Variants in PRKCI observed in about 807,000 individuals in gnomAD.
PRKCI encodes the protein protein kinase C iota type.
A neutral mutation model predicts 84.0 loss-of-function variants in PRKCI; 43 were observed. That is an observed-to-expected ratio of 0.51 (90% confidence interval 0.40 to 0.66). The LOEUF is 0.66. Among genes scored for constraint, PRKCI ranks in the 30% least tolerant of loss-of-function variants. PRKCI has a pLI of 0.00. For missense variants in PRKCI, 459 were observed against 745.6 expected, an observed-to-expected ratio of 0.62 and a Z score of 4.48; for synonymous variants, 216 against 234.4, an observed-to-expected ratio of 0.92 and a Z score of 0.72.
intron 2 of PRKCI, among the ~76,000 whole-genome samples, chr3:170,235,668 C>T (rs1560166934): frequency 1.3e-5 from 2 of 151,128 alleles, no homozygotes; most frequent in African/African-American, 2.4e-5. Flanking sequence ...CGGGTTCAAG[C>T]GATTCTCCTG....
At chr3:170,280,535 G>A (rs1190459073) in intron 9 of PRKCI, 132 bp downstream of exon 9, 7 of 747,442 alleles carry the variant, frequency 9.4e-6, no homozygotes, top group African/African-American at 1.8e-5. Flanking sequence ...TGCAACCTCT[G>A]CCTCCCAGGT....
chr3:170,282,367 A>G (rs192799525), intron 11 of PRKCI, among the ~76,000 whole-genome samples: 2 of 152,256 alleles, frequency 1.3e-5, no homozygotes, highest in East Asian at 3.9e-4. Flanking sequence ...GTTCTTCACG[A>G]TAAGAGTGCT....
At position 170,222,594 on chromosome 3, in the gene PRKCI, C is replaced by T; in HGVS notation, c.-76C>T. 1 of 1,274,042 alleles carries T rather than the reference C, an allele frequency of 7.8e-7. No individual in the cohort carries two copies. Among genetic ancestry groups the T allele is most frequent in the Non-Finnish European group, 1.1e-6 (1 of 939,654 alleles). 78.9% of individuals were successfully genotyped at this position (1,274,042 alleles called of 1,614,324 possible). ...GCCGCGGTTCTCCGGCAAGCGCAGGCGGCGGAGTCCCCCACGGCGCCCGAA... is the reference window on the plus strand; with the variant it reads ...GCCGCGGTTCTCCGGCAAGCGCAGGTGGCGGAGTCCCCCACGGCGCCCGAA... On this transcript the variant is annotated 5_prime_UTR_variant, in exon 1 of 18. Transcript: ENST00000295797.
chr3:170,299,997 C>T (rs892452124), intron 17 of PRKCI, among the ~76,000 whole-genome samples: 4 of 152,126 alleles, frequency 2.6e-5, no homozygotes, highest in African/African-American at 9.7e-5. Flanking sequence ...GCTTATACTT[C>T]ATCTTTTAAA....
intron 12 of PRKCI, among the ~76,000 whole-genome samples, chr3:170,289,912 AAAG>A (rs781058555): frequency 5.3e-5 from 8 of 151,838 alleles, no homozygotes; most frequent in Non-Finnish European, 1.0e-4. Flanking sequence ...CTCCATCTTA[AAAG>A]AAGAAAAAAA....
At chr3:170,272,699 G>C (rs1734032040) in intron 6 of PRKCI, among the ~76,000 whole-genome samples, 1 of 152,070 alleles carries the variant, frequency 6.6e-6, no homozygotes, top group Non-Finnish European at 1.5e-5. Flanking sequence ...TTTCCTGCTG[G>C]TATTCATTAA....
At chr3:170,280,036 A>T in intron 8 of PRKCI, 191 bp from the exon 9 acceptor site, 1 of 446,520 alleles carries the variant, frequency 2.2e-6, no homozygotes, top group Non-Finnish European at 3.8e-6. Flanking sequence ...TCTTATCTCA[A>T]AATTCATCCA....
intron 4 of PRKCI, among the ~76,000 whole-genome samples, chr3:170,266,132 T>C (rs1043579040): frequency 1.3e-5 from 2 of 152,162 alleles, no homozygotes; most frequent in Non-Finnish European, 2.9e-5. Flanking sequence ...ATAGACAATA[T>C]ATAAAATAAT....
intron 6 of PRKCI, among the ~76,000 whole-genome samples, chr3:170,272,488 A>G (rs1219064552): frequency 6.6e-6 from 1 of 152,190 alleles, no homozygotes; most frequent in African/African-American, 2.4e-5. Flanking sequence ...AAGGAAAAAC[A>G]GAAGGCTGAC....
intron 2 of PRKCI, among the ~76,000 whole-genome samples, chr3:170,241,258 C>T (rs994354285): frequency 2.6e-5 from 4 of 152,128 alleles, no homozygotes; most frequent in Admixed American, 2.0e-4. Context: ...ATTGTAGTCA[C>T]CATGCTATGC....
chr3:170,281,151 C>T lies in PRKCI; in HGVS notation c.883-15C>T, dbSNP rs1355784763. 8.1e-6 allele frequency: 13 copies of T among 1,600,138 alleles called. No homozygotes were observed. In the Middle Eastern group the frequency reaches 6.0e-4, roughly 74 times the overall value. ...ATATCAGTTTGACATAGATTTCTTACATGTTTCAAAATAGGATATTGATTG... is the reference window on the plus strand; with the variant it reads ...ATATCAGTTTGACATAGATTTCTTATATGTTTCAAAATAGGATATTGATTG... On this transcript the variant is annotated splice_polypyrimidine_tract_variant and intron_variant, in intron 9 of 17. Coordinates refer to ENST00000295797, the MANE Select transcript of PRKCI (RefSeq NM_002740.6).
At chr3:170,254,151 A>T (rs1733525133) in intron 2 of PRKCI, among the ~76,000 whole-genome samples, 1 of 140,308 alleles carries the variant, frequency 7.1e-6, no homozygotes, top group African/African-American at 2.9e-5. Flanking sequence ...ATTTAATCAG[A>T]TTATTAGGTT....
At chr3:170,245,270 A>G (rs1312336768) in intron 2 of PRKCI, among the ~76,000 whole-genome samples, 2 of 152,120 alleles carry the variant, frequency 1.3e-5, no homozygotes, top group Non-Finnish European at 2.9e-5. Context: ...AGGATCCACT[A>G]CTTGCAATTA....
chr3:170,301,811 A>G (rs1734826161), intron 17 of PRKCI, among the ~76,000 whole-genome samples: 1 of 152,036 alleles, frequency 6.6e-6, no homozygotes, highest in African/African-American at 2.4e-5. Context: ...GTACCACTCC[A>G]ATTCTTGAAC....
intron 1 of PRKCI, among the ~76,000 whole-genome samples, chr3:170,234,941 AT>A (rs909707600): frequency 4.1e-5 from 6 of 147,964 alleles, no homozygotes; most frequent in Admixed American, 6.8e-5. Context: ...CCTCTGGCTA[AT>A]TTTTTTTTTG....
At chr3:170,282,907 C>T (rs535241343) in intron 11 of PRKCI, among the ~76,000 whole-genome samples, 122 of 151,926 alleles carry the variant, frequency 8.0e-4, no homozygotes, top group African/African-American at 2.9e-3. Flanking sequence ...GAAATCGAGA[C>T]CATCCTGGCC....
At chr3:170,261,428 C>A (rs902612310) in intron 3 of PRKCI, among the ~76,000 whole-genome samples, 11 of 140,552 alleles carry the variant, frequency 7.8e-5, no homozygotes, top group South Asian at 6.8e-4. Context: ...ATTATTATTT[C>A]TTTGTATTTT....
chr3:170,303,772 A>AGGT lies in PRKCI; in HGVS notation c.*646_*647insGTG. ...AGTACTTTGGGAGGTTGAGGCGGGC[A>AGGT]GATCACTTGAGGTCAGGAGTTTGAG... On this transcript the variant is annotated 3_prime_UTR_variant, in exon 18 of 18. Transcript: ENST00000295797. 1 of 197,032 alleles carries AGGT rather than the reference A, an allele frequency of 5.1e-6. No individual in the cohort carries two copies. The highest frequency in any genetic ancestry group is 1.1e-5 in the Non-Finnish European group (1 of 94,952). The allele number at this position is 197,032 out of a possible 1,614,324, so 12.2% of individuals were successfully genotyped here. A position where few individuals can be genotyped will look rare whatever the true frequency, so the allele number is the denominator to read the frequency against.
At chr3:170,288,769 TATAAA>T (rs972968472) in intron 12 of PRKCI, among the ~76,000 whole-genome samples, 1 of 152,066 alleles carries the variant, frequency 6.6e-6, no homozygotes, top group African/African-American at 2.4e-5. Flanking sequence ...AATATATACA[TATAAA>T]ATAAAATAAA....
Sources: gnomAD v4.1 joint callset for allele counts (sites outside exome capture counted in the v4.1 genomes callset) on GRCh38, gnomAD v4.1.1 for gene constraint, MANE v1.5 for transcripts, NCBI Gene and HGNC (gene_info 2026-07-23, HGNC 2026-07-21) for gene names.